ALOX5: variants seen among roughly 807,000 people sequenced by gnomAD.
ALOX5 encodes arachidonate 5-lipoxygenase.
Under a neutral mutation model 87.9 loss-of-function variants are expected in ALOX5, and 64 were observed. The observed-to-expected ratio is 0.73, with a 90% confidence interval of 0.60 to 0.90. The LOEUF is 0.90. Among genes scored for constraint, ALOX5 ranks in the 40% least tolerant of loss-of-function variants. The probability of loss-of-function intolerance (pLI) is 0.00; values close to 1 mark genes in which losing one functional copy is unlikely to be tolerated. For missense variants in ALOX5, 822 were observed against 907.5 expected (o/e 0.91, Z 1.21); for synonymous variants, 388 against 355.1 (o/e 1.09, Z -1.04).
chr10:45,445,601 A>G lies in ALOX5; in HGVS notation c.1939A>G (p.Ser647Gly). ...RFRKNLEAIV[S>G]VIAERNKKKQ... is the part of the protein sequence containing the mutation. ...CCGCAAGAACCTCGAGGCCATTGTC[A>G]GCGTGATTGCTGAGCGCAACAAGAA... Residue 647 changes from serine (S) to glycine (G), a missense_variant, in exon 14 of 14, where the codon AGC (serine) becomes GGC (glycine). Physicochemically the swap from Ser to Gly is moderately conservative, Grantham distance 56. Coordinates refer to ENST00000374391, the MANE Select transcript of ALOX5 (RefSeq NM_000698.5). The G allele has an allele frequency of 6.2e-7, 1 of 1,614,156 alleles. No individual in the cohort carries two copies. Among genetic ancestry groups the G allele is most frequent in the Non-Finnish European group, 8.5e-7 (1 of 1,180,036 alleles).
At position 45,443,443 on chromosome 10, in the gene ALOX5, C is replaced by G; in HGVS notation, c.1479C>G (p.Tyr493Ter). ...RTFTAEVVDI[Y>*]YEGDQVVEED... ...TCACGGCCGAGGTGGTAGACATCTA[C>G]TACGAGGGCGACCAGGTGGTGGAGG... is the stretch of plus-strand genomic sequence containing the variant. Residue 493 changes from tyrosine (Y) to a stop codon, truncating the protein, a stop_gained, in exon 11 of 14, where the codon TAC (tyrosine) becomes TAG (stop). Coordinates refer to ENST00000374391, the MANE Select transcript of ALOX5 (RefSeq NM_000698.5). LOFTEE classifies it high-confidence loss of function. 6.2e-7 allele frequency: 1 copy of G among 1,610,140 alleles called. No individual in the cohort carries two copies. The highest frequency in any genetic ancestry group is 2.2e-5 in the East Asian group (1 of 44,732).
At chr10:45,421,393 G>T (rs562374890) in intron 4 of ALOX5, among the ~76,000 whole-genome samples, 5 of 152,250 alleles carry the variant, frequency 3.3e-5, no homozygotes, top group Non-Finnish European at 5.9e-5. Context: ...AGGTGCCCCA[G>T]CACAGGACCT....
chr10:45,374,776 G>GC (rs1425811569), intron 1 of ALOX5, among the ~76,000 whole-genome samples: 1 of 152,200 alleles, frequency 6.6e-6, no homozygotes, highest in African/African-American at 2.4e-5. Flanking sequence ...AGGCTCCGGA[G>GC]CCCCCTTCAC....
At chr10:45,393,091 T>C (rs760444125) in intron 2 of ALOX5, among the ~76,000 whole-genome samples, 1 of 152,186 alleles carries the variant, frequency 6.6e-6, no homozygotes, top group African/African-American at 2.4e-5. Flanking sequence ...GAATCCTCCC[T>C]AACTCATTTT....
chr10:45,410,693 G>A (rs1841034917), intron 3 of ALOX5, among the ~76,000 whole-genome samples: 1 of 152,136 alleles, frequency 6.6e-6, no homozygotes, highest in Non-Finnish European at 1.5e-5. Flanking sequence ...AGGAGAATTA[G>A]GAATATAAAT....
chr10:45,425,467 T>C lies in ALOX5; in HGVS notation c.834+335T>C, dbSNP rs1841674075. On this transcript the variant is annotated intron_variant, in intron 6 of 13. Coordinates refer to ENST00000374391, the MANE Select transcript of ALOX5 (RefSeq NM_000698.5). This position sits in a 1 kb window ranked among gnomAD's most constrained non-coding sequence, Gnocchi z 4.4. The stretch of plus-strand genomic sequence containing the variant: ...GTGGGACAGGCATTGTGACAGGTGC[T>C]TTACACACAAGGTCATCAGTTGTCA... 6.6e-6 allele frequency among the ~76,000 whole-genome samples: 1 copy of C among 152,114 alleles called. No homozygotes were observed. Among genetic ancestry groups the C allele is most frequent in the South Asian group, 2.1e-4 (1 of 4,816 alleles).
intron 7 of ALOX5, among the ~76,000 whole-genome samples, chr10:45,435,744 G>A (rs1032871789): frequency 6.6e-6 from 1 of 152,204 alleles, no homozygotes; most frequent in Non-Finnish European, 1.5e-5. Flanking sequence ...ATAAACATAT[G>A]TGTGCCTATG....
At chr10:45,379,468 C>T (rs577210684) in intron 1 of ALOX5, among the ~76,000 whole-genome samples, 1 of 152,358 alleles carries the variant, frequency 6.6e-6, no homozygotes, top group South Asian at 2.1e-4. Context: ...TGTCTCCAGC[C>T]TTTCAGGAGT....
intron 3 of ALOX5, among the ~76,000 whole-genome samples, chr10:45,401,637 A>G (rs542646011): frequency 6.6e-6 from 1 of 152,304 alleles, no homozygotes; most frequent in South Asian, 2.1e-4. Context: ...TGGATGCCTC[A>G]TCATTCACTT....
chr10:45,388,064 G>A (rs1840066181), intron 2 of ALOX5, among the ~76,000 whole-genome samples: 1 of 152,200 alleles, frequency 6.6e-6, no homozygotes, highest in Non-Finnish European at 1.5e-5. Context: ...GACAGCACCT[G>A]GAAAATTGGG....
chr10:45,417,455 A>G (rs1040779182), intron 4 of ALOX5, among the ~76,000 whole-genome samples: 1 of 151,946 alleles, frequency 6.6e-6, no homozygotes, highest in African/African-American at 2.4e-5. Flanking sequence ...GGTTGCATCT[A>G]TTTGCTGAGT....
intron 2 of ALOX5, among the ~76,000 whole-genome samples, chr10:45,393,233 C>T (rs1474236224): frequency 2.6e-5 from 4 of 152,156 alleles, no homozygotes; most frequent in Non-Finnish European, 5.9e-5. Context: ...AATCCAGCAG[C>T]ACATCAAAAA....
At chr10:45,422,307 A>G (rs1450735456) in intron 4 of ALOX5, among the ~76,000 whole-genome samples, 1 of 152,178 alleles carries the variant, frequency 6.6e-6, no homozygotes. Flanking sequence ...CTGCTGGATC[A>G]GGAGGATGTG....
At chr10:45,412,634 G>C (rs1364134249) in intron 4 of ALOX5, among the ~76,000 whole-genome samples, 1 of 152,174 alleles carries the variant, frequency 6.6e-6, no homozygotes, top group East Asian at 1.9e-4. Context: ...AGGTGTGAAG[G>C]CTTTGTGTCC....
intron 13 of ALOX5, 55 bp downstream of exon 13, chr10:45,444,341 C>T: frequency 1.3e-6 from 2 of 1,500,670 alleles, no homozygotes; most frequent in Non-Finnish European, 8.9e-7. Flanking sequence ...TAAGCGGTTC[C>T]TCAGCCTCAG....
At chr10:45,416,962 G>T (rs934694846) in intron 4 of ALOX5, among the ~76,000 whole-genome samples, 4 of 152,050 alleles carry the variant, frequency 2.6e-5, no homozygotes, top group Non-Finnish European at 4.4e-5. Flanking sequence ...ATGGATGGAG[G>T]AATTAATGGT....
At chr10:45,377,735 A>G (rs1241256756) in intron 1 of ALOX5, among the ~76,000 whole-genome samples, 1 of 152,104 alleles carries the variant, frequency 6.6e-6, no homozygotes, top group African/African-American at 2.4e-5. Context: ...GGTGGGGCAC[A>G]CATCCTTGCT....
intron 1 of ALOX5, 47 bp downstream of exon 1, chr10:45,374,476 G>A (rs1407432832): frequency 3.4e-6 from 5 of 1,462,142 alleles, no homozygotes; most frequent in African/African-American, 1.5e-5. Flanking sequence ...AGGTGCGTCC[G>A]GGACCCGGTT....
intron 2 of ALOX5, among the ~76,000 whole-genome samples, chr10:45,386,878 C>G (rs187543349): frequency 2.6e-5 from 4 of 152,076 alleles, no homozygotes; most frequent in African/African-American, 9.7e-5. Context: ...GAAGCAGCCC[C>G]GCCCTTAGCT....
Sources: allele counts gnomAD v4.1 joint callset (sites outside exome capture counted in the v4.1 genomes callset), GRCh38; gene constraint gnomAD v4.1.1; non-coding constraint Gnocchi (gnomAD v3.1); transcripts MANE v1.5; gene names NCBI Gene and HGNC (gene_info 2026-07-23, HGNC 2026-07-21).